The following PABPN1L variants were observed in gnomAD, a reference collection of about 807,000 sequenced individuals.
PABPN1L encodes PABPN1 like, cytoplasmic, also known as embryonic polyadenylate-binding protein 2.
PABPN1L carries 45 observed loss-of-function variants against 34.0 expected under a neutral mutation model. The ratio of observed to expected loss-of-function variants is 1.32; its 90% CI spans 1.04 to 1.70. The LOEUF is 1.70. PABPN1L is among the 40% of genes most tolerant of loss of function. The probability of loss-of-function intolerance (pLI) is 0.00; values close to 1 mark genes in which losing one functional copy is unlikely to be tolerated. For missense variants in PABPN1L, 459 were observed against 367.8 expected, an observed-to-expected ratio of 1.25 and a Z score of -2.03; for synonymous variants, 182 against 152.1, an observed-to-expected ratio of 1.20 and a Z score of -1.45.
chr16:88,868,743 T>C (rs1460093803), upstream of PABPN1L, among the ~76,000 whole-genome samples: 1 of 152,212 alleles, frequency 6.6e-6, no homozygotes, highest in African/African-American at 2.4e-5. Flanking sequence ...TTTGAATCTC[T>C]GATTGGCAGT....
chr16:88,865,171 C>T (rs1017830861), intron 3 of PABPN1L, 43 bp from the exon 4 acceptor site: 13 of 1,540,362 alleles, frequency 8.4e-6, no homozygotes, highest in South Asian at 3.6e-5. Context: ...GACGCCTGGC[C>T]CTGACTCGGG....
At chr16:88,867,739 C>T (rs1015015277), upstream of PABPN1L, among the ~76,000 whole-genome samples, 6 of 152,162 alleles carry the variant, frequency 3.9e-5, no homozygotes, top group Non-Finnish European at 7.4e-5. Flanking sequence ...GGAGGTGACC[C>T]GTGTCCGCCC....
chr16:88,866,705 CTGAGG>C (rs1968613131), upstream of PABPN1L: 6 of 1,409,740 alleles, frequency 4.3e-6, no homozygotes, highest in Non-Finnish European at 5.6e-6. Flanking sequence ...AAGCCCTCCC[CTGAGG>C]CCAGCTGCTC....
rs1180534187 is a variant in PABPN1L at position 88,863,802 on chromosome 16, GGAGA to G, written c.798-11_798-8del. 2 of 1,535,800 alleles carry G rather than the reference GGAGA, an allele frequency of 1.3e-6. No homozygotes were observed. The highest frequency in any genetic ancestry group is 1.7e-6 in the Non-Finnish European group (2 of 1,146,714). ...TGAGAATTTTCCACGGGCCCTGCAC[GGAGA>G]GAGAACACACACTGAGTGGCCTTCC... On this transcript the variant is annotated splice_region_variant and splice_polypyrimidine_tract_variant and intron_variant, in intron 6 of 6. Transcript: ENST00000419291.
chr16:88,868,129 G>A (rs945203681), upstream of PABPN1L, among the ~76,000 whole-genome samples: 1 of 152,198 alleles, frequency 6.6e-6, no homozygotes, highest in Non-Finnish European at 1.5e-5. Flanking sequence ...CATGGAGGCT[G>A]CCACAGCCTG....
chr16:88,864,464 C>G, intron 5 of PABPN1L, 85 bp from the exon 6 acceptor site: 1 of 1,463,096 alleles, frequency 6.8e-7, no homozygotes, highest in South Asian at 1.4e-5. Flanking sequence ...CACCCCGGAG[C>G]ATGGGGTCCT....
intron 5 of PABPN1L, 35 bp downstream of exon 5, chr16:88,864,818 G>T: frequency 6.4e-7 from 1 of 1,559,746 alleles, no homozygotes; most frequent in Non-Finnish European, 8.7e-7. Context: ...GCCCCTCTGC[G>T]CTCATGTTCC....
rs771548606 is a variant in PABPN1L at position 88,865,801 on chromosome 16, C to T, written c.391+5G>A. ...TGGGGGGCGGCCTGTGCCCTTGGTT[C>T]CTACCCACGGTCTCAGGGCTCAGCA... On this transcript the variant is annotated splice_donor_5th_base_variant and intron_variant, in intron 2 of 6. Transcript: ENST00000419291. 2 of 1,601,474 alleles carry T rather than the reference C, an allele frequency of 1.2e-6. No individual in the cohort carries two copies. Among genetic ancestry groups the T allele is most frequent in the Non-Finnish European group, 1.7e-6 (2 of 1,174,314 alleles).
exon 6 of PABPN1L, chr16:88,864,343 A>G (rs1456751138): frequency 7.7e-6 from 12 of 1,555,798 alleles, no homozygotes; most frequent in Non-Finnish European, 1.0e-5. Context: ...CGGTCTGTGG[A>G]GCTGATCCCA....
Position 88,865,505 on chromosome 16 carries a change from C to T in PABPN1L, c.459+58G>A, listed in dbSNP as rs1056597465. The stretch of plus-strand genomic sequence containing the variant: ...CTGGCCCATGGCCGGGCGCCAGACC[C>T]TCTGGTAGAGATGGGGCCCCATTCG... On this transcript the variant is annotated intron_variant, in intron 3 of 6. Transcript: ENST00000419291. 15 of 1,573,364 alleles carry T rather than the reference C, an allele frequency of 9.5e-6. No homozygotes were observed. In the African/African-American group the frequency reaches 1.4e-4, roughly 14 times the overall value.
upstream of PABPN1L, chr16:88,866,796 C>T: frequency 1.3e-6 from 1 of 763,234 alleles, no homozygotes; most frequent in Non-Finnish European, 2.0e-6. Context: ...TTCCCTGTCA[C>T]TCGGACAGGT....
At chr16:88,868,694 G>GA (rs1968646116), upstream of PABPN1L, among the ~76,000 whole-genome samples, 1 of 152,104 alleles carries the variant, frequency 6.6e-6, no homozygotes, top group Non-Finnish European at 1.5e-5. Flanking sequence ...AGGAAGGAAA[G>GA]AAAAGGGAGG....
At chr16:88,863,733 T>C (rs1968504690) in exon 7 of PABPN1L, 3 of 1,534,574 alleles carry the variant, frequency 2.0e-6, no homozygotes, top group Non-Finnish European at 2.6e-6. Context: ...CCCCAGCCCC[T>C]CTCTCAAAAT....
At chr16:88,867,927 G>T (rs1455457865), upstream of PABPN1L, among the ~76,000 whole-genome samples, 1 of 152,204 alleles carries the variant, frequency 6.6e-6, no homozygotes, top group Admixed American at 6.5e-5. Flanking sequence ...CTACCCCCAG[G>T]CCGAGGCCAT....
chr16:88,867,463 T>G (rs1461549881), upstream of PABPN1L, among the ~76,000 whole-genome samples: 2 of 152,148 alleles, frequency 1.3e-5, no homozygotes, highest in East Asian at 3.9e-4. Flanking sequence ...ACTCCTGACC[T>G]CAGGTGATCC....
chr16:88,865,547 C>T lies in PABPN1L; in HGVS notation c.459+16G>A. On this transcript the variant is annotated intron_variant, in intron 3 of 6. Transcript: ENST00000419291. ...CCCCATTCGCTGCCTGCCCCTTCAC[C>T]CCGCCCACCACTCACGTTGCCCACG... The T allele has an allele frequency of 6.2e-7, 1 of 1,609,084 alleles. No individual in the cohort carries two copies. The highest frequency in any genetic ancestry group is 8.5e-7 in the Non-Finnish European group (1 of 1,178,562).
At chr16:88,866,378 G>C in exon 1 of PABPN1L, 1 of 1,550,710 alleles carries the variant, frequency 6.4e-7, no homozygotes, top group Non-Finnish European at 8.7e-7. Flanking sequence ...CACTCAGCCA[G>C]GTTCTCTTGC....
chr16:88,867,669 G>A (rs1431949206), upstream of PABPN1L, among the ~76,000 whole-genome samples: 1 of 152,154 alleles, frequency 6.6e-6, no homozygotes, highest in Non-Finnish European at 1.5e-5. Flanking sequence ...TTACTGTGGC[G>A]GAATTCAGTG....
At chr16:88,867,763 T>G (rs528046768), upstream of PABPN1L, among the ~76,000 whole-genome samples, 81 of 152,276 alleles carry the variant, frequency 5.3e-4, no homozygotes, top group African/African-American at 1.9e-3. Flanking sequence ...CGCCTCCCTC[T>G]GCACCTGCCA....
Sources: allele counts gnomAD v4.1 joint callset (sites outside exome capture counted in the v4.1 genomes callset), GRCh38; gene constraint gnomAD v4.1.1; transcripts MANE v1.5; gene names NCBI Gene and HGNC (gene_info 2026-07-23, HGNC 2026-07-21).